Variants in SHANK2 observed in about 807,000 individuals in gnomAD.
The protein encoded by SHANK2 is SH3 and multiple ankyrin repeat domains protein 2.
Under a neutral mutation model 133.7 loss-of-function variants are expected in SHANK2, and 43 were observed. The ratio of observed to expected loss-of-function variants is 0.32; its 90% CI spans 0.25 to 0.41. The LOEUF (loss-of-function observed/expected upper bound fraction) is 0.41, where lower values mean the gene tolerates loss of function less well. Ranked by LOEUF, SHANK2 falls within the 10% of genes least tolerant of loss-of-function variation. The probability of loss-of-function intolerance (pLI) is 1.00; values close to 1 mark genes in which losing one functional copy is unlikely to be tolerated. For synonymous variants in SHANK2, 1,017 were observed against 952.8 expected (o/e 1.07, Z -1.24); for missense variants, 1,994 against 2,235.8 (o/e 0.89, Z 2.18).
chr11:70,880,722 C>A (rs1555072264), intron 11 of SHANK2, among the ~76,000 whole-genome samples: 1 of 152,218 alleles, frequency 6.6e-6, no homozygotes, highest in Admixed American at 6.5e-5. Context: ...TCTGTGTACC[C>A]TCACCAGAAC....
At chr11:70,520,205 C>T (rs1328269284) in intron 17 of SHANK2, among the ~76,000 whole-genome samples, 2 of 152,096 alleles carry the variant, frequency 1.3e-5, no homozygotes, top group Non-Finnish European at 2.9e-5. Context: ...ATTAATAAAC[C>T]AGTATTGATA....
At chr11:71,174,350 A>G (rs1953377339) in intron 2 of SHANK2, among the ~76,000 whole-genome samples, 1 of 152,090 alleles carries the variant, frequency 6.6e-6, no homozygotes, top group Non-Finnish European at 1.5e-5. Flanking sequence ...GACCAGCCAG[A>G]CAACAGGGCA....
At chr11:70,637,552 C>A (rs1376461664) in intron 17 of SHANK2, among the ~76,000 whole-genome samples, 2 of 152,046 alleles carry the variant, frequency 1.3e-5, no homozygotes, top group Non-Finnish European at 2.9e-5. Context: ...CCTCAGACCT[C>A]CCCCCACCAA....
intron 17 of SHANK2, among the ~76,000 whole-genome samples, chr11:70,658,160 C>A (rs1198474): frequency 1.7e-4 from 25 of 149,986 alleles, no homozygotes; most frequent in African/African-American, 5.7e-4. Flanking sequence ...ACTCTTACAC[C>A]ACCTATAGAC....
chr11:70,688,256 C>G (rs541886717), intron 15 of SHANK2, among the ~76,000 whole-genome samples: 22 of 152,220 alleles, frequency 1.4e-4, no homozygotes, highest in Non-Finnish European at 2.1e-4. Flanking sequence ...CAGAACCCAT[C>G]CAACTGCTTT....
chr11:71,150,410 GAGGGAGGA>G (rs1952775354), intron 2 of SHANK2, among the ~76,000 whole-genome samples: 1 of 142,452 alleles, frequency 7.0e-6, no homozygotes, highest in Non-Finnish European at 1.5e-5. Flanking sequence ...GAGGGACAGG[GAGGGAGGA>G]AGGGAGGGAA....
Position 70,726,733 on chromosome 11 carries a change from C to T in SHANK2, c.1778-27970G>A, listed in dbSNP as rs1018215718. On this transcript the variant is annotated intron_variant, in intron 14 of 25. Transcript: ENST00000601538. ...CTTTGCAGCTCCTCTTATCAAGAGA[C>T]AAAGCCTGTCTGCCCAGACCTTAAA... 4.6e-5 allele frequency among the ~76,000 whole-genome samples: 7 copies of T among 152,222 alleles called. No homozygotes were observed. The East Asian group carries it at 1.3e-3, about 29-fold the overall frequency.
At chr11:70,911,372 C>CA (rs1950189301) in intron 10 of SHANK2, among the ~76,000 whole-genome samples, 1 of 151,530 alleles carries the variant, frequency 6.6e-6, no homozygotes, top group East Asian at 1.9e-4. Flanking sequence ...AACAAAAAAA[C>CA]AAAAAAACAA....
intron 10 of SHANK2, among the ~76,000 whole-genome samples, chr11:70,924,922 C>G (rs1219702860): frequency 6.6e-6 from 1 of 152,196 alleles, no homozygotes; most frequent in Non-Finnish European, 1.5e-5. Context: ...GAGCTGCTAA[C>G]TTTGTATTGG....
intron 11 of SHANK2, among the ~76,000 whole-genome samples, chr11:70,834,911 T>TG (rs1427389669): frequency 1.3e-5 from 2 of 151,908 alleles, no homozygotes; most frequent in African/African-American, 4.8e-5. Flanking sequence ...TGAAAGGGGC[T>TG]GGGGGTGTAA....
chr11:70,716,903 C>CA (rs1211288874), intron 14 of SHANK2, among the ~76,000 whole-genome samples: 6 of 150,926 alleles, frequency 4.0e-5, no homozygotes, highest in South Asian at 4.2e-4. Context: ...GAGCCCCCCC[C>CA]CCGCCCAACT....
At chr11:70,784,508 T>C (rs1476019000) in intron 14 of SHANK2, among the ~76,000 whole-genome samples, 4 of 151,866 alleles carry the variant, frequency 2.6e-5, no homozygotes, top group Non-Finnish European at 4.4e-5. Context: ...AGGTGTCATG[T>C]TGGCCAGGCT....
intron 2 of SHANK2, among the ~76,000 whole-genome samples, chr11:71,223,114 G>A (rs373600116): frequency 3.3e-5 from 5 of 152,350 alleles, no homozygotes; most frequent in East Asian, 3.9e-4. Context: ...AACATGGGGA[G>A]GGAGAGAGTC....
chr11:71,143,304 T>C (rs1278535061), intron 3 of SHANK2, among the ~76,000 whole-genome samples: 1 of 152,186 alleles, frequency 6.6e-6, no homozygotes. Context: ...GGGAACAAGC[T>C]GACATTTTCA....
intron 10 of SHANK2, among the ~76,000 whole-genome samples, chr11:70,914,535 G>C (rs1402032197): frequency 6.6e-6 from 1 of 151,878 alleles, no homozygotes; most frequent in Admixed American, 6.6e-5. Context: ...ATGAAGAGGA[G>C]GGTTGGGCAC....
intron 2 of SHANK2, among the ~76,000 whole-genome samples, chr11:71,196,997 CAAAAAAAA>C (rs71467429): frequency 1.2e-5 from 1 of 81,914 alleles, no homozygotes; most frequent in Non-Finnish European, 2.4e-5. Context: ...GACTCTGTCT[CAAAAAAAA>C]AAAAAAAAAA....
At chr11:71,153,082 C>G (rs1952827845) in intron 2 of SHANK2, among the ~76,000 whole-genome samples, 1 of 152,188 alleles carries the variant, frequency 6.6e-6, no homozygotes, top group Admixed American at 6.5e-5. Flanking sequence ...TCTGGCAACA[C>G]CATGGGAGAG....
chr11:70,883,422 A>G (rs1223999623), intron 11 of SHANK2, among the ~76,000 whole-genome samples: 1 of 152,126 alleles, frequency 6.6e-6, no homozygotes, highest in African/African-American at 2.4e-5. Flanking sequence ...CCAACAGCCA[A>G]AAGTCCAGCT....
chr11:70,874,698 A>AAAAT (rs57723818), intron 11 of SHANK2, among the ~76,000 whole-genome samples: 21 of 150,876 alleles, frequency 1.4e-4, no homozygotes, highest in African/African-American at 5.1e-4. Flanking sequence ...AAAAAAAAAA[A>AAAAT]TTCCACCTTG....
Sources: gnomAD v4.1 joint callset for allele counts (sites outside exome capture counted in the v4.1 genomes callset) on GRCh38, gnomAD v4.1.1 for gene constraint, MANE v1.5 for transcripts, NCBI Gene and HGNC (gene_info 2026-07-23, HGNC 2026-07-21) for gene names.